STK10: variants seen among roughly 807,000 people sequenced by gnomAD.
STK10 encodes the protein serine/threonine-protein kinase 10.
In STK10, 78 loss-of-function variants were observed where a neutral mutation model predicts 113.8. That is an observed-to-expected ratio of 0.69 (90% confidence interval 0.57 to 0.83). The LOEUF (loss-of-function observed/expected upper bound fraction) is 0.83. Among genes scored for constraint, STK10 ranks in the 40% least tolerant of loss-of-function variants. The pLI, the probability that STK10 is intolerant of heterozygous loss-of-function variation, is 0.00. For synonymous variants in STK10, 465 were observed against 494.7 expected, an observed-to-expected ratio of 0.94 and a Z score of 0.80; for missense variants, 1,109 against 1,280.1, an observed-to-expected ratio of 0.87 and a Z score of 2.04.
intron 18 of STK10, among the ~76,000 whole-genome samples, chr5:172,046,142 C>T (rs949143594): frequency 1.1e-4 from 16 of 151,480 alleles, no homozygotes; most frequent in Non-Finnish European, 1.9e-4. Context: ...GGCGGATCAC[C>T]TGAGGTCAGG....
At chr5:172,161,169 G>T (rs1770462028) in intron 1 of STK10, among the ~76,000 whole-genome samples, 1 of 152,122 alleles carries the variant, frequency 6.6e-6, no homozygotes, top group Admixed American at 6.6e-5. Flanking sequence ...ACTAAGGGGT[G>T]GGCCGGGTGT....
intron 12 of STK10, among the ~76,000 whole-genome samples, chr5:172,071,796 T>C (rs1187678966): frequency 6.6e-6 from 1 of 152,194 alleles, no homozygotes; most frequent in African/African-American, 2.4e-5. Flanking sequence ...GGGTGTACTG[T>C]CTATTCTATA....
rs982267986 is a variant in STK10 at position 172,064,755 on chromosome 5, T to G, written c.2047A>C (p.Lys683Gln). Residue 683 changes from lysine to glutamine, a missense_variant, in exon 13 of 19, where the codon AAG (lysine) becomes CAG (glutamine). By Grantham distance (53) the Lys-to-Gln change is moderately conservative (BLOSUM62 1). This residue lies in a region of STK10 where 885 missense variants were observed against 991.1 expected (regional missense o/e 0.89). Transcript: ENST00000176763. ...RQQRKESMKQ[K>Q]MEEHTQKKQL... ...TTTTTCTGCGTGTGCTCCTCCATCTTCTGCTTCATGCTTTCCTTCCGCTGC... is the reference window on the plus strand; with the variant it reads ...TTTTTCTGCGTGTGCTCCTCCATCTGCTGCTTCATGCTTTCCTTCCGCTGC... The G allele has an allele frequency of 6.2e-6, 10 of 1,614,068 alleles. No individual in the cohort carries two copies. The highest frequency in any genetic ancestry group is 2.2e-5 in the East Asian group (1 of 44,900).
chr5:172,136,136 G>A (rs916571951), intron 2 of STK10, among the ~76,000 whole-genome samples: 1 of 152,104 alleles, frequency 6.6e-6, no homozygotes, highest in African/African-American at 2.4e-5. Context: ...CTACTGATTT[G>A]ACAGAAAGGA....
At chr5:172,106,330 A>G (rs1438354125) in intron 6 of STK10, among the ~76,000 whole-genome samples, 2 of 145,272 alleles carry the variant, frequency 1.4e-5, no homozygotes, top group African/African-American at 5.1e-5. Flanking sequence ...TGAGCCTAGG[A>G]GGTCGAGGTT....
At chr5:172,186,746 CG>C (rs1172862657) in intron 1 of STK10, among the ~76,000 whole-genome samples, 1 of 152,168 alleles carries the variant, frequency 6.6e-6, no homozygotes, top group Admixed American at 6.5e-5. Flanking sequence ...TTCAGCAGGT[CG>C]GGGCTGGGCA....
chr5:172,150,194 T>C (rs1487446813), intron 2 of STK10, among the ~76,000 whole-genome samples: 1 of 150,772 alleles, frequency 6.6e-6, no homozygotes, highest in Non-Finnish European at 1.5e-5. Flanking sequence ...AACTCAGGTC[T>C]CCTAGGCTGG....
intron 14 of STK10, 62 bp from the exon 15 acceptor site, chr5:172,057,535 T>G (rs1418613513): frequency 6.6e-7 from 1 of 1,521,468 alleles, no homozygotes; most frequent in East Asian, 2.5e-5. Context: ...ACAGGCCCCC[T>G]GCCCCCCACC....
chr5:172,044,751 C>G lies in STK10; in HGVS notation c.*131G>C. 6.7e-7 allele frequency: 1 copy of G among 1,492,576 alleles called. No homozygotes were observed. Among genetic ancestry groups the G allele is most frequent in the South Asian group, 1.2e-5 (1 of 85,690 alleles). 92.5% of individuals were successfully genotyped at this position (1,492,576 alleles called of 1,614,324 possible). ...TCTATCAGGCACAGTTGGGGTGGCA[C>G]AGGGCGAGGGGCTGGATTTGAGCTG... On this transcript the variant is annotated 3_prime_UTR_variant, in exon 19 of 19. Coordinates refer to ENST00000176763, the MANE Select transcript of STK10 (RefSeq NM_005990.4). The surrounding 1 kb of genome is among the most constrained non-coding windows in gnomAD (Gnocchi z 4.5).
Position 172,098,147 on chromosome 5 carries a change from C to T in STK10, c.871-1587G>A, listed in dbSNP as rs567889429. ...CAAGATTGCTGGGGAAGTATTTAAA[C>T]GACTAAAAAACAAATTTCTAGCACC... is the stretch of plus-strand genomic sequence containing the variant. On this transcript the variant is annotated intron_variant, in intron 7 of 18. Coordinates refer to ENST00000176763, the MANE Select transcript of STK10 (RefSeq NM_005990.4). 1.2e-4 allele frequency among the ~76,000 whole-genome samples: 19 copies of T among 152,232 alleles called. No homozygotes were observed. In the East Asian group the frequency reaches 3.3e-3, roughly 26 times the overall value.
At chr5:172,116,032 G>A (rs1265335832) in intron 4 of STK10, among the ~76,000 whole-genome samples, 2 of 152,280 alleles carry the variant, frequency 1.3e-5, no homozygotes, top group East Asian at 1.9e-4. Context: ...TGCTGGAAGT[G>A]ACTGTTTATT....
intron 3 of STK10, among the ~76,000 whole-genome samples, chr5:172,118,989 T>C (rs1769445951): frequency 6.6e-6 from 1 of 151,952 alleles, no homozygotes; most frequent in Non-Finnish European, 1.5e-5. Flanking sequence ...TATTAAACTT[T>C]CCACTGGCTG....
rs1768470825 is a variant in STK10 at position 172,083,057 on chromosome 5, C to G, written c.1713G>C (p.Leu571=). Residue 571 remains leucine (L), a synonymous_variant, in exon 11 of 19, where the codon CTG becomes CTC. Transcript: ENST00000176763. ...LRRQELRELR[L]LQKEEHRNQT... ...GGTTCCGATGCTCTTCTTTCTGGAG[C>G]AGCCGAAGCTCTCGGAGTTCCTGGC... The G allele has an allele frequency of 2.5e-6, 4 of 1,614,116 alleles. No individual in the cohort carries two copies. Among genetic ancestry groups the G allele is most frequent in the Non-Finnish European group, 3.4e-6 (4 of 1,180,016 alleles).
chr5:172,061,196 G>T lies in STK10; in HGVS notation c.2155C>A (p.Arg719=), dbSNP rs764920096. 5.0e-6 allele frequency: 8 copies of T among 1,613,258 alleles called. No individual in the cohort carries two copies. The highest frequency in any genetic ancestry group is 5.9e-6 in the Non-Finnish European group (7 of 1,179,902). The change falls in exon 14 of 19, where the codon CGG becomes AGG. Residue 719 remains arginine (R), a synonymous_variant. Coordinates refer to ENST00000176763, the MANE Select transcript of STK10 (RefSeq NM_005990.4). ...TCGCGCTCCTTGTCACAGATCTCCC[G>T]CCTGTTGTCGGTGGTGAGCCTCTTC... ...AMKRLTTDNR[R]EICDKERECL...
chr5:172,175,431 C>A (rs1164948968), intron 1 of STK10, among the ~76,000 whole-genome samples: 1 of 152,056 alleles, frequency 6.6e-6, no homozygotes, highest in African/African-American at 2.4e-5. Context: ...ACTCACCCTC[C>A]CTGCTCTGCT....
At chr5:172,090,455 C>T (rs191553495) in intron 9 of STK10, 93 bp from the exon 10 acceptor site, 2 of 1,517,384 alleles carry the variant, frequency 1.3e-6, no homozygotes, top group African/African-American at 2.8e-5. Context: ...GCTGGGCCCA[C>T]AGCTTCAGAA....
At chr5:172,063,658 G>A (rs1767982062) in intron 13 of STK10, 1 of 147,468 alleles carries the variant, frequency 6.8e-6, no homozygotes, top group Non-Finnish European at 1.5e-5. Context: ...TAATCGTGCT[G>A]TAATGGGACA....
intron 3 of STK10, among the ~76,000 whole-genome samples, chr5:172,121,728 A>G (rs1769514712): frequency 6.6e-6 from 1 of 152,006 alleles, no homozygotes; most frequent in South Asian, 2.1e-4. Flanking sequence ...ATAAATAAAT[A>G]AATAATTTTT....
Position 172,107,631 on chromosome 5 carries a change from C to T in STK10, c.593+149G>A, listed in dbSNP as rs533485194. The T allele has an allele frequency of 1.1e-5, 7 of 613,400 alleles. 1 individual carries two copies. In the South Asian group the frequency reaches 1.6e-4, roughly 14 times the overall value. The allele number at this position is 613,400 out of a possible 1,614,324, so 38.0% of individuals were successfully genotyped here. ...GAAACTGACGCACGGGAAAGCTAAA[C>T]AGCTTGTCCAAGGTCACACAGCTAG... is the stretch of plus-strand genomic sequence containing the variant. On this transcript the variant is annotated intron_variant, in intron 5 of 18. Transcript: ENST00000176763.
Sources: gnomAD v4.1 joint callset for allele counts (sites outside exome capture counted in the v4.1 genomes callset) on GRCh38, gnomAD v4.1.1 for gene constraint, gnomAD v4.1.1 regional missense constraint, Gnocchi (gnomAD v3.1) non-coding constraint, MANE v1.5 for transcripts, NCBI Gene and HGNC (gene_info 2026-07-23, HGNC 2026-07-21) for gene names.